DENND6A: variants seen among roughly 807,000 people sequenced by gnomAD.
DENND6A encodes the protein protein DENND6A.
A neutral mutation model predicts 95.5 loss-of-function variants in DENND6A; 43 were observed. The ratio of observed to expected loss-of-function variants is 0.45; its 90% CI spans 0.35 to 0.58. DENND6A has a LOEUF of 0.58. Among genes scored for constraint, DENND6A ranks in the 20% least tolerant of loss-of-function variants. The pLI is 0.00. For missense variants in DENND6A, 574 were observed against 736.0 expected, an observed-to-expected ratio of 0.78 and a Z score of 2.55; for synonymous variants, 257 against 260.4, an observed-to-expected ratio of 0.99 and a Z score of 0.13.
At chr3:57,644,234 G>A (rs916429223) in intron 11 of DENND6A, among the ~76,000 whole-genome samples, 1 of 151,780 alleles carries the variant, frequency 6.6e-6, no homozygotes, top group Non-Finnish European at 1.5e-5. Flanking sequence ...GGGATTCGTA[G>A]AGAAAAGAAG....
intron 3 of DENND6A, among the ~76,000 whole-genome samples, chr3:57,670,156 A>G (rs1034184483): frequency 4.6e-5 from 7 of 152,224 alleles, no homozygotes; most frequent in Admixed American, 2.6e-4. Flanking sequence ...ACACCACAGA[A>G]TTAACTTCTT....
intron 18 of DENND6A, 73 bp downstream of exon 18, chr3:57,630,348 C>T: frequency 2.2e-6 from 3 of 1,350,034 alleles, no homozygotes; most frequent in Non-Finnish European, 3.0e-6. Context: ...AGGGTACAAT[C>T]TTCAACTTCT....
chr3:57,677,016 G>A (rs1260709330), intron 1 of DENND6A, among the ~76,000 whole-genome samples: 3 of 152,052 alleles, frequency 2.0e-5, no homozygotes, highest in African/African-American at 7.2e-5. Context: ...TAGAGACAGG[G>A]TTTCACCATG....
At chr3:57,659,433 T>C (rs1408454526) in intron 7 of DENND6A, among the ~76,000 whole-genome samples, 1 of 152,126 alleles carries the variant, frequency 6.6e-6, no homozygotes, top group Admixed American at 6.5e-5. Context: ...AAAAACAAAA[T>C]GGACATCAGC....
Position 57,634,666 on chromosome 3 carries a change from A to T in DENND6A, c.1198+38T>A, listed in dbSNP as rs772030598. 9.4e-6 allele frequency: 14 copies of T among 1,494,860 alleles called. No individual in the cohort carries two copies. The Admixed American group carries it at 3.1e-4, about 34-fold the overall frequency. 92.6% of individuals were successfully genotyped at this position (1,494,860 alleles called of 1,614,324 possible). On this transcript the variant is annotated intron_variant, in intron 13 of 19. Coordinates refer to ENST00000311128, the MANE Select transcript of DENND6A (RefSeq NM_152678.3). Reference sequence around the variant, plus strand: ...AGGTAAACAAAAAAACCCAAGTACCATATAAATATATATTTAAAAATCAAT... The same window carrying T: ...AGGTAAACAAAAAAACCCAAGTACCTTATAAATATATATTTAAAAATCAAT...
intron 1 of DENND6A, among the ~76,000 whole-genome samples, chr3:57,692,535 C>T (rs973397793): frequency 6.6e-6 from 1 of 152,116 alleles, no homozygotes; most frequent in African/African-American, 2.4e-5. Flanking sequence ...AAAGAAAGAA[C>T]AGGATGAACA....
chr3:57,653,464 G>T (rs1304241654), intron 9 of DENND6A, among the ~76,000 whole-genome samples: 3 of 152,106 alleles, frequency 2.0e-5, no homozygotes, highest in Non-Finnish European at 2.9e-5. Flanking sequence ...ATTAGTAGTA[G>T]GCCGGGCGCG....
chr3:57,639,494 T>C (rs1037477812), intron 12 of DENND6A, among the ~76,000 whole-genome samples: 1 of 152,202 alleles, frequency 6.6e-6, no homozygotes, highest in African/African-American at 2.4e-5. Context: ...ATTAATAGTC[T>C]AAATTAGTAG....
chr3:57,658,315 T>G (rs1019962420), intron 8 of DENND6A, among the ~76,000 whole-genome samples: 2 of 151,142 alleles, frequency 1.3e-5, no homozygotes, highest in Non-Finnish European at 2.9e-5. Context: ...GATCACTTGA[T>G]GCCAGGAGTT....
Position 57,628,058 on chromosome 3 carries a change from G to T in DENND6A, c.*156C>A. 1 of 1,032,230 alleles carries T rather than the reference G, an allele frequency of 9.7e-7. No individual in the cohort carries two copies. 63.9% of individuals were successfully genotyped at this position (1,032,230 alleles called of 1,614,324 possible). A position where few individuals can be genotyped will look rare whatever the true frequency, so the allele number is the denominator to read the frequency against. On this transcript the variant is annotated 3_prime_UTR_variant, in exon 20 of 20. Coordinates refer to ENST00000311128, the MANE Select transcript of DENND6A (RefSeq NM_152678.3). ...CTTTAAAAAGTAATGCACTAAAAAG[G>T]TCTGTTTATACAATACAGTCTTTCT...
intron 12 of DENND6A, 96 bp from the exon 13 acceptor site, chr3:57,634,865 G>T: frequency 2.0e-6 from 2 of 1,004,664 alleles, no homozygotes; most frequent in Non-Finnish European, 2.8e-6. Context: ...TATTACTTAA[G>T]TATGTTATAA....
intron 1 of DENND6A, among the ~76,000 whole-genome samples, chr3:57,688,946 A>G (rs1359065866): frequency 6.6e-6 from 1 of 152,058 alleles, no homozygotes; most frequent in East Asian, 1.9e-4. Context: ...TAAGAGTGAT[A>G]TTTTCTAGTG....
chr3:57,680,556 C>T (rs1418593635), intron 1 of DENND6A, among the ~76,000 whole-genome samples: 1 of 152,190 alleles, frequency 6.6e-6, no homozygotes, highest in Non-Finnish European at 1.5e-5. Flanking sequence ...GACTTGTGAG[C>T]CTCCAGAGCT....
At position 57,626,475 on chromosome 3, in the gene DENND6A, C is replaced by G. The variant is rs375395456; in HGVS notation, c.*1739G>C. 6.6e-6 allele frequency: 1 copy of G among 152,146 alleles called. No homozygotes were observed. Among genetic ancestry groups the G allele is most frequent in the African/African-American group, 2.4e-5 (1 of 41,478 alleles). The allele number at this position is 152,146 out of a possible 1,614,324, so 9.4% of individuals were successfully genotyped here. A position where few individuals can be genotyped will look rare whatever the true frequency, so the allele number is the denominator to read the frequency against. On this transcript the variant is annotated 3_prime_UTR_variant, in exon 20 of 20. Coordinates refer to ENST00000311128, the MANE Select transcript of DENND6A (RefSeq NM_152678.3). Reference sequence around the variant, plus strand: ...CTGTAATCCCAGCACTTTGGGAGGCCGAGGCGGGCGGATCACCTGAGGTCG... The same window carrying G: ...CTGTAATCCCAGCACTTTGGGAGGCGGAGGCGGGCGGATCACCTGAGGTCG...
intron 5 of DENND6A, 106 bp from the exon 6 acceptor site, chr3:57,661,657 TAA>T: frequency 1.1e-6 from 1 of 875,564 alleles, no homozygotes; most frequent in Non-Finnish European, 1.7e-6. Flanking sequence ...GATTTTAAAA[TAA>T]AAAGGCTTTT....
intron 9 of DENND6A, among the ~76,000 whole-genome samples, chr3:57,648,772 C>T (rs962771174): frequency 1.3e-5 from 2 of 152,134 alleles, no homozygotes; most frequent in Non-Finnish European, 2.9e-5. Context: ...GGGGAAAAGA[C>T]ACCCTATTTA....
chr3:57,656,761 A>G (rs2071334776), intron 9 of DENND6A, among the ~76,000 whole-genome samples: 1 of 152,168 alleles, frequency 6.6e-6, no homozygotes, highest in African/African-American at 2.4e-5. Flanking sequence ...GTTCGAGACC[A>G]GCCTGGACAA....
chr3:57,687,049 G>A (rs1225383697), intron 1 of DENND6A, among the ~76,000 whole-genome samples: 1 of 152,076 alleles, frequency 6.6e-6, no homozygotes, highest in African/African-American at 2.4e-5. Context: ...CTATGCAACA[G>A]GGTCTCACCA....
At chr3:57,665,598 G>T (rs191815261) in intron 4 of DENND6A, among the ~76,000 whole-genome samples, 276 of 152,160 alleles carry the variant, frequency 1.8e-3, no homozygotes, top group South Asian at 8.9e-3. Context: ...TGTAAAAACT[G>T]TTATCAGGCA....
Sources: gnomAD v4.1 joint callset for allele counts (sites outside exome capture counted in the v4.1 genomes callset) on GRCh38, gnomAD v4.1.1 for gene constraint, MANE v1.5 for transcripts, NCBI Gene and HGNC (gene_info 2026-07-23, HGNC 2026-07-21) for gene names.